Variants in COLQ observed in about 807,000 individuals in gnomAD.
The protein encoded by COLQ is collagen like tail subunit of asymmetric acetylcholinesterase.
A neutral mutation model predicts 69.0 loss-of-function variants in COLQ; 48 were observed. The observed-to-expected ratio is 0.70, with a 90% confidence interval of 0.55 to 0.88. COLQ has a LOEUF of 0.88. COLQ is among the 40% of genes least tolerant of loss of function. COLQ has a pLI of 0.00. For synonymous variants in COLQ, 217 were observed against 211.2 expected (o/e 1.03, Z -0.24); for missense variants, 618 against 594.6 (o/e 1.04, Z -0.41).
chr3:15,468,767 T>A (rs947132366), intron 11 of COLQ, among the ~76,000 whole-genome samples: 1 of 152,176 alleles, frequency 6.6e-6, no homozygotes, highest in Non-Finnish European at 1.5e-5. Context: ...TGGATTCTAA[T>A]CCTGGCTTTG....
At chr3:15,514,369 G>A (rs1165000220) in intron 1 of COLQ, among the ~76,000 whole-genome samples, 1 of 151,980 alleles carries the variant, frequency 6.6e-6, no homozygotes, top group East Asian at 1.9e-4. Context: ...AAATTCCCAG[G>A]GTGTGTCTCA....
chr3:15,474,986 C>T, intron 7 of COLQ, 35 bp from the exon 8 acceptor site: 12 of 1,610,776 alleles, frequency 7.4e-6, no homozygotes, highest in Non-Finnish European at 1.0e-5. Flanking sequence ...TACAATCAGC[C>T]CTGTAGGACT....
chr3:15,512,480 C>T (rs370627186), intron 1 of COLQ, among the ~76,000 whole-genome samples: 17 of 152,294 alleles, frequency 1.1e-4, no homozygotes, highest in East Asian at 9.7e-4. Context: ...CCGGTCACCA[C>T]GAGAAGCCTC....
At chr3:15,504,849 G>C (rs1053016259) in intron 1 of COLQ, among the ~76,000 whole-genome samples, 24 of 152,196 alleles carry the variant, frequency 1.6e-4, no homozygotes, top group African/African-American at 5.1e-4. Flanking sequence ...AATAGAGCGA[G>C]ACTCCGTCTC....
chr3:15,518,158 C>G (rs575356042), intron 1 of COLQ, among the ~76,000 whole-genome samples: 1 of 152,290 alleles, frequency 6.6e-6, no homozygotes, highest in South Asian at 2.1e-4. Context: ...GTTGGTCAGG[C>G]TGGTCTCGAA....
chr3:15,495,391 C>T lies in COLQ; in HGVS notation c.107-5754G>A, dbSNP rs151040493. Among the ~76,000 whole-genome samples, 9 of 152,262 alleles carry T rather than the reference C, an allele frequency of 5.9e-5. No homozygotes were observed. In the East Asian group the frequency reaches 7.7e-4, roughly 13 times the overall value. ...ATTGGATGCCATCAGGAAGAAAGGG[C>T]CATTCTATAATTGAGTACCTTAATT... On this transcript the variant is annotated intron_variant, in intron 1 of 16. Transcript: ENST00000383788.
chr3:15,453,655 A>G (rs1213795016), intron 16 of COLQ, among the ~76,000 whole-genome samples, 174 bp downstream of exon 16: 1 of 152,190 alleles, frequency 6.6e-6, no homozygotes, highest in African/African-American at 2.4e-5. Flanking sequence ...GTGCTGACCA[A>G]GAGGGCACGT....
chr3:15,483,828 T>C (rs965792407), intron 3 of COLQ, among the ~76,000 whole-genome samples: 3 of 152,176 alleles, frequency 2.0e-5, no homozygotes, highest in Admixed American at 1.3e-4. Context: ...AAGTCTCCCA[T>C]TATTATTGGG....
chr3:15,479,248 A>T, intron 4 of COLQ, 90 bp downstream of exon 4: 4 of 1,418,294 alleles, frequency 2.8e-6, no homozygotes, highest in Non-Finnish European at 4.0e-6. Flanking sequence ...CATGTTTGGA[A>T]ATCTCAACTA....
chr3:15,503,298 A>G (rs915948174), intron 1 of COLQ, among the ~76,000 whole-genome samples: 3 of 152,208 alleles, frequency 2.0e-5, no homozygotes, highest in Non-Finnish European at 2.9e-5. Context: ...CCTCTTCCAT[A>G]GGCCAGAGTG....
At chr3:15,516,313 G>T (rs1244218076) in intron 1 of COLQ, among the ~76,000 whole-genome samples, 2 of 152,200 alleles carry the variant, frequency 1.3e-5, no homozygotes, top group African/African-American at 4.8e-5. Flanking sequence ...GGCCTGGCTG[G>T]CTTCCAGGCA....
intron 8 of COLQ, 114 bp from the exon 9 acceptor site, chr3:15,474,386 T>C (rs1490330674): frequency 6.6e-6 from 7 of 1,066,454 alleles, no homozygotes; most frequent in African/African-American, 3.1e-5. Flanking sequence ...AGTGAAGAAA[T>C]AGGCTCAGAT....
intron 3 of COLQ, among the ~76,000 whole-genome samples, chr3:15,480,180 G>T (rs891228587): frequency 6.6e-6 from 1 of 152,116 alleles, no homozygotes; most frequent in Non-Finnish European, 1.5e-5. Context: ...TTTGAAATAT[G>T]ATTTCTTTTT....
At chr3:15,500,787 T>C (rs1208979693) in intron 1 of COLQ, among the ~76,000 whole-genome samples, 2 of 152,192 alleles carry the variant, frequency 1.3e-5, no homozygotes, top group Non-Finnish European at 2.9e-5. Context: ...TTAAGTCAAA[T>C]TTCTGGATGT....
intron 13 of COLQ, among the ~76,000 whole-genome samples, chr3:15,457,698 C>T (rs560899038): frequency 3.3e-5 from 5 of 152,044 alleles, no homozygotes; most frequent in South Asian, 2.1e-4. Flanking sequence ...CTGCAATCTC[C>T]GCCTCCTGGG....
At chr3:15,512,089 A>G (rs760049798) in intron 1 of COLQ, among the ~76,000 whole-genome samples, 5 of 152,184 alleles carry the variant, frequency 3.3e-5, no homozygotes, top group Non-Finnish European at 5.9e-5. Context: ...GCATGGTCCC[A>G]GGACAGAACT....
chr3:15,494,497 G>A (rs2062716767), intron 1 of COLQ, among the ~76,000 whole-genome samples: 1 of 152,154 alleles, frequency 6.6e-6, no homozygotes, highest in Non-Finnish European at 1.5e-5. Context: ...ATTCATTTGA[G>A]CACACTCTTT....
intron 1 of COLQ, among the ~76,000 whole-genome samples, chr3:15,499,879 G>GT (rs1314629880): frequency 6.6e-6 from 1 of 152,188 alleles, no homozygotes; most frequent in Admixed American, 6.5e-5. Context: ...TACTTATAAA[G>GT]TGGGCGTGCA....
chr3:15,463,016 C>T (rs943075316), intron 12 of COLQ, among the ~76,000 whole-genome samples: 12 of 152,000 alleles, frequency 7.9e-5, no homozygotes, highest in African/African-American at 2.9e-4. Context: ...GCTGGAAGGC[C>T]AGGGAGAAAA....
Sources: allele counts gnomAD v4.1 joint callset (sites outside exome capture counted in the v4.1 genomes callset), GRCh38; gene constraint gnomAD v4.1.1; transcripts MANE v1.5; gene names NCBI Gene and HGNC (gene_info 2026-07-23, HGNC 2026-07-21).